The following GTF2F2 variants were observed in gnomAD, a reference collection of about 807,000 sequenced individuals.
The protein encoded by GTF2F2 is ATP-dependent helicase GTF2F2.
Under a neutral mutation model 42.2 loss-of-function variants are expected in GTF2F2, and 23 were observed. That is an observed-to-expected ratio of 0.55 (90% CI 0.39 to 0.77). The LOEUF (loss-of-function observed/expected upper bound fraction) is 0.77. GTF2F2 is among the 30% of genes least tolerant of loss of function. GTF2F2 has a pLI of 0.00. For synonymous variants in GTF2F2, 105 were observed against 100.8 expected (o/e 1.04, Z -0.25); for missense variants, 261 against 287.2 (o/e 0.91, Z 0.66).
intron 4 of GTF2F2, among the ~76,000 whole-genome samples, chr13:45,197,258 A>G (rs1327114089): frequency 6.6e-6 from 1 of 151,208 alleles, no homozygotes; most frequent in Admixed American, 6.6e-5. Flanking sequence ...GCACTTTGGG[A>G]GGCTGAGGCG....
intron 4 of GTF2F2, among the ~76,000 whole-genome samples, chr13:45,182,311 C>A (rs1025104115): frequency 6.6e-6 from 1 of 152,088 alleles, no homozygotes; most frequent in Non-Finnish European, 1.5e-5. Context: ...CTGCTACGCC[C>A]GGCTAACTTT....
intron 4 of GTF2F2, among the ~76,000 whole-genome samples, chr13:45,183,412 A>C (rs1872256995): frequency 2.0e-5 from 3 of 152,142 alleles, no homozygotes; most frequent in Non-Finnish European, 2.9e-5. Context: ...GGGATCCAGA[A>C]TGACTGCTGG....
At chr13:45,268,223 G>T (rs1876649731) in intron 7 of GTF2F2, among the ~76,000 whole-genome samples, 1 of 151,998 alleles carries the variant, frequency 6.6e-6, no homozygotes, top group Non-Finnish European at 1.5e-5. Context: ...TGTCTACTCT[G>T]CCGGTATACT....
At chr13:45,243,372 G>C (rs1875419250) in intron 5 of GTF2F2, among the ~76,000 whole-genome samples, 1 of 152,150 alleles carries the variant, frequency 6.6e-6, no homozygotes, top group Non-Finnish European at 1.5e-5. Context: ...AGGAGCATGA[G>C]CCCTATTGTA....
chr13:45,240,480 C>G (rs1022384958), intron 5 of GTF2F2, among the ~76,000 whole-genome samples: 1 of 152,062 alleles, frequency 6.6e-6, no homozygotes, highest in Non-Finnish European at 1.5e-5. Context: ...GGGAGAATTG[C>G]TCATTTTAAA....
At chr13:45,135,981 GA>G (rs1869599588) in intron 1 of GTF2F2, among the ~76,000 whole-genome samples, 2 of 152,156 alleles carry the variant, frequency 1.3e-5, no homozygotes, top group African/African-American at 4.8e-5. Flanking sequence ...TCCTTTTTGG[GA>G]ATTAAAGTCC....
chr13:45,254,207 AT>A (rs1025232598), intron 6 of GTF2F2, among the ~76,000 whole-genome samples: 3 of 152,100 alleles, frequency 2.0e-5, no homozygotes, highest in Admixed American at 2.0e-4. Context: ...ATTATGGGTT[AT>A]TTTTGTTAAT....
intron 6 of GTF2F2, among the ~76,000 whole-genome samples, chr13:45,260,190 A>G (rs974589983): frequency 1.3e-5 from 2 of 152,198 alleles, no homozygotes; most frequent in African/African-American, 2.4e-5. Flanking sequence ...AGTCTGCAGA[A>G]CTAAGATTTG....
In GTF2F2 at chr13:45,128,292, C is replaced by T. The variant is rs376093195; in HGVS notation, c.66+7571C>T. Among the ~76,000 whole-genome samples the T allele has an allele frequency of 2.1e-4, 31 of 146,390 alleles. No homozygotes were observed. The South Asian group carries it at 6.6e-3, about 31-fold the overall frequency. On this transcript the variant is annotated intron_variant, in intron 1 of 7. Coordinates refer to ENST00000340473, the MANE Select transcript of GTF2F2 (RefSeq NM_004128.3). ...TGGCCTTTTTAAAAAATTATTTTTG[C>T]GGCCGGGCACAGTGGCTCACGCCTG...
At chr13:45,178,425 C>CT (rs60059874) in intron 4 of GTF2F2, among the ~76,000 whole-genome samples, 2,805 of 122,048 alleles carry the variant, frequency 0.023, 56 homozygotes, top group African/African-American at 0.052. Context: ...CTGAGTTTGT[C>CT]TTTTTTTTTT....
intron 5 of GTF2F2, among the ~76,000 whole-genome samples, chr13:45,233,310 C>T (rs982095352): frequency 2.6e-5 from 4 of 152,164 alleles, no homozygotes; most frequent in Non-Finnish European, 2.9e-5. Flanking sequence ...AGTCCACTTC[C>T]GTTTAGTCAT....
intron 5 of GTF2F2, among the ~76,000 whole-genome samples, chr13:45,252,014 A>G (rs1875897686): frequency 1.3e-5 from 2 of 152,374 alleles, no homozygotes; most frequent in East Asian, 3.9e-4. Flanking sequence ...GTAAATGATT[A>G]TAAGCCTTGC....
intron 6 of GTF2F2, among the ~76,000 whole-genome samples, chr13:45,256,502 T>A (rs1876110723): frequency 6.6e-6 from 1 of 152,134 alleles, no homozygotes; most frequent in Non-Finnish European, 1.5e-5. Context: ...TGAAAATGAG[T>A]CATTATAGTA....
intron 2 of GTF2F2, among the ~76,000 whole-genome samples, chr13:45,138,567 A>C (rs1869754050): frequency 6.6e-6 from 1 of 152,220 alleles, no homozygotes; most frequent in Non-Finnish European, 1.5e-5. Flanking sequence ...GCTTTGTGGA[A>C]GAAGCTGCTG....
intron 4 of GTF2F2, chr13:45,192,744 A>G (rs1203177394): frequency 3.9e-5 from 6 of 152,226 alleles, no homozygotes; most frequent in African/African-American, 1.4e-4. Flanking sequence ...TCTGAGATTT[A>G]GCATCCAAAA....
At chr13:45,271,892 T>C (rs1308170650) in intron 7 of GTF2F2, among the ~76,000 whole-genome samples, 3 of 152,086 alleles carry the variant, frequency 2.0e-5, no homozygotes, top group African/African-American at 7.2e-5. Context: ...AAGCTTTATC[T>C]TAGTTCAGTT....
chr13:45,226,121 G>T (rs1470885413), intron 5 of GTF2F2, among the ~76,000 whole-genome samples: 1 of 151,972 alleles, frequency 6.6e-6, no homozygotes, highest in Non-Finnish European at 1.5e-5. Context: ...TGGGTCAGTG[G>T]TTGTCCCCAA....
intron 4 of GTF2F2, among the ~76,000 whole-genome samples, chr13:45,170,708 C>T (rs1390775802): frequency 6.6e-6 from 1 of 152,094 alleles, no homozygotes; most frequent in Non-Finnish European, 1.5e-5. Context: ...CTAGGGGCTG[C>T]AGTCAGAGAA....
At chr13:45,265,214 G>T (rs1373331427) in intron 6 of GTF2F2, among the ~76,000 whole-genome samples, 2 of 151,108 alleles carry the variant, frequency 1.3e-5, no homozygotes, top group Non-Finnish European at 2.9e-5. Context: ...AGCCGAGATT[G>T]CACCACTGCA....
Sources: gnomAD v4.1 joint callset for allele counts (sites outside exome capture counted in the v4.1 genomes callset) on GRCh38, gnomAD v4.1.1 for gene constraint, MANE v1.5 for transcripts, NCBI Gene and HGNC (gene_info 2026-07-23, HGNC 2026-07-21) for gene names.